CCN5: variants seen among roughly 807,000 people sequenced by gnomAD.
CCN5 encodes cellular communication network factor 5.
Under a neutral mutation model 18.7 loss-of-function variants are expected in CCN5, and 17 were observed. The ratio of observed to expected loss-of-function variants is 0.91; its 90% confidence interval spans 0.62 to 1.36. The LOEUF (loss-of-function observed/expected upper bound fraction) is 1.36, where lower values mean the gene tolerates loss of function less well. CCN5 is among the 40% of genes most tolerant of loss of function. The probability of loss-of-function intolerance (pLI) is 0.00; values close to 1 mark genes in which losing one functional copy is unlikely to be tolerated. For missense variants in CCN5, 367 were observed against 342.9 expected, an observed-to-expected ratio of 1.07 and a Z score of -0.56; for synonymous variants, 135 against 145.2, an observed-to-expected ratio of 0.93 and a Z score of 0.50.
chr20:44,723,147 T>C lies in CCN5; in HGVS notation c.278-1591T>C, dbSNP rs1263547219. Among the ~76,000 whole-genome samples, 3 of 152,194 alleles carry C rather than the reference T, an allele frequency of 2.0e-5. No homozygotes were observed. The East Asian group carries it at 5.9e-4, about 30-fold the overall frequency. Reference sequence around the variant, plus strand: ...CTCTGCTCCAGCCACATTGGCCCCTTGCTGTTCCTTAAATACCCCAGGCAC... The same window carrying C: ...CTCTGCTCCAGCCACATTGGCCCCTCGCTGTTCCTTAAATACCCCAGGCAC... On this transcript the variant is annotated intron_variant, in intron 2 of 3. Coordinates refer to ENST00000190983, the MANE Select transcript of CCN5 (RefSeq NM_003881.4).
At chr20:44,722,341 T>C (rs1490499420) in intron 2 of CCN5, among the ~76,000 whole-genome samples, 5 of 152,198 alleles carry the variant, frequency 3.3e-5, no homozygotes, top group African/African-American at 4.8e-5. Context: ...GCGCATCCAA[T>C]GCCGGGATCC....
At chr20:44,718,151 C>T (rs2065873189) in intron 1 of CCN5, among the ~76,000 whole-genome samples, 1 of 152,172 alleles carries the variant, frequency 6.6e-6, no homozygotes, top group African/African-American at 2.4e-5. Flanking sequence ...CTACTCAGTG[C>T]TGTCTCAGTG....
At position 44,727,118 on chromosome 20, in the gene CCN5, G is replaced by A; in HGVS notation, c.564G>A (p.Leu188=). The A allele has an allele frequency of 6.2e-7, 1 of 1,604,352 alleles. No individual in the cohort carries two copies. The highest frequency in any genetic ancestry group is 1.1e-5 in the South Asian group (1 of 89,850). Residue 188 remains leucine, a synonymous_variant, in exon 4 of 4, where the codon CTG becomes CTA. Transcript: ENST00000190983. Reference sequence around the variant, plus strand: ...AGTTTTCTGGCCTTGTCTCTTCCCTGCCCCCTGGTGTCCCCTGCCCAGAAT... The same window carrying A: ...AGTTTTCTGGCCTTGTCTCTTCCCTACCCCCTGGTGTCCCCTGCCCAGAAT... The part of the protein sequence containing the change: ...GPQFSGLVSS[L]PPGVPCPEWS...
chr20:44,720,004 T>C lies in CCN5; in HGVS notation c.168T>C (p.Cys56=). 6.2e-7 allele frequency: 1 copy of C among 1,611,202 alleles called. No individual in the cohort carries two copies. The highest frequency in any genetic ancestry group is 8.5e-7 in the Non-Finnish European group (1 of 1,179,612). The change falls in exon 2 of 4, where the codon TGT becomes TGC. Residue 56 remains cysteine, a synonymous_variant. Transcript: ENST00000190983. ...VLDGCGCCRV[C]ARRLGEPCDQ... ...ATGGCTGTGGCTGCTGCCGGGTATG[T>C]GCACGGCGGCTGGGGGAGCCCTGCG... is the stretch of plus-strand genomic sequence containing the variant.
At chr20:44,726,434 T>G (rs2145422383) in intron 3 of CCN5, among the ~76,000 whole-genome samples, 1 of 151,836 alleles carries the variant, frequency 6.6e-6, no homozygotes, top group South Asian at 2.1e-4. Flanking sequence ...TTGGGGCAAG[T>G]AATTATTTGT....
At chr20:44,722,634 T>G (rs2065908086) in intron 2 of CCN5, among the ~76,000 whole-genome samples, 1 of 151,936 alleles carries the variant, frequency 6.6e-6, no homozygotes, top group Admixed American at 6.6e-5. Context: ...GCCTCGCTAA[T>G]TTTTGTATTT....
chr20:44,725,419 C>G (rs1029174752), intron 3 of CCN5, among the ~76,000 whole-genome samples: 1 of 150,994 alleles, frequency 6.6e-6, no homozygotes, highest in Non-Finnish European at 1.5e-5. Flanking sequence ...GCCTGGCCGA[C>G]AAGCACGAAA....
intron 3 of CCN5, among the ~76,000 whole-genome samples, chr20:44,725,480 C>T (rs960813101): frequency 1.6e-4 from 24 of 151,956 alleles, no homozygotes; most frequent in African/African-American, 5.6e-4. Context: ...GTCACCAGGC[C>T]TCCCTCTTTA....
rs747241254 is a variant in CCN5, at chr20:44,727,336, C to G, written c.*29C>G. The G allele has an allele frequency of 6.3e-7, 1 of 1,581,884 alleles. No homozygotes were observed. The highest frequency in any genetic ancestry group is 2.3e-5 in the East Asian group (1 of 43,696). ...CGGGCTGGGAATGGGGACACGGTGT[C>G]CACCATCCCCAGCTGGTGGCCCTGT... On this transcript the variant is annotated 3_prime_UTR_variant, in exon 4 of 4. Transcript: ENST00000190983.
At chr20:44,718,891 T>G (rs2065878341) in intron 1 of CCN5, among the ~76,000 whole-genome samples, 1 of 152,198 alleles carries the variant, frequency 6.6e-6, no homozygotes, top group African/African-American at 2.4e-5. Flanking sequence ...TCCAGGTCCC[T>G]GACTCTGGGA....
In CCN5 at chr20:44,720,041, G is replaced by A. The variant is rs369068012; in HGVS notation, c.205G>A (p.Val69Ile). ...GGGGGAGCCCTGCGACCAACTCCAC[G>A]TCTGCGACGCCAGCCAGGGCCTGGT... ...RLGEPCDQLH[V>I]CDASQGLVCQ... Residue 69 changes from valine (V) to isoleucine (I), a missense_variant, in exon 2 of 4, where the codon GTC (valine) becomes ATC (isoleucine). Transcript: ENST00000190983. 38 of 1,598,108 alleles carry A rather than the reference G, an allele frequency of 2.4e-5. No individual in the cohort carries two copies. The highest frequency in any genetic ancestry group is 3.2e-5 in the Non-Finnish European group (38 of 1,176,458).
intron 2 of CCN5, among the ~76,000 whole-genome samples, chr20:44,722,465 CT>C (rs11341536): frequency 0.43 from 46,068 of 106,430 alleles, 9,284 homozygotes; most frequent in Middle Eastern, 0.65. Flanking sequence ...ATCTCTCTCT[CT>C]TTTTTTTTTT....
At chr20:44,726,779 G>A (rs1022897138) in intron 3 of CCN5, among the ~76,000 whole-genome samples, 1 of 152,144 alleles carries the variant, frequency 6.6e-6, no homozygotes, top group African/African-American at 2.4e-5. Flanking sequence ...CCCCCTGCCT[G>A]TAAAATGCTG....
chr20:44,724,693 G>C, intron 2 of CCN5, 45 bp from the exon 3 acceptor site: 1 of 1,609,118 alleles, frequency 6.2e-7, no homozygotes, highest in Middle Eastern at 1.7e-4. Context: ...AGAAGGCTGT[G>C]CCGCTTTGCG....
rs35266386 is a variant in CCN5 at position 44,719,956 on chromosome 20, G to T, written c.120G>T (p.Pro40=). 6.2e-7 allele frequency: 1 copy of T among 1,613,582 alleles called. No homozygotes were observed. The highest frequency in any genetic ancestry group is 8.5e-7 in the Non-Finnish European group (1 of 1,179,880). The change falls in exon 2 of 4, where the codon CCG becomes CCT. Residue 40 remains proline, a synonymous_variant. Coordinates refer to ENST00000190983, the MANE Select transcript of CCN5 (RefSeq NM_003881.4). ...CTCPWPPPRC[P]LGVPLVLDGC... is the part of the protein sequence containing the mutation. ...GCCCCTGGCCACCTCCCCGATGCCC[G>T]CTGGGAGTACCCCTGGTGCTGGATG... is the stretch of plus-strand genomic sequence containing the variant.
intron 2 of CCN5, among the ~76,000 whole-genome samples, chr20:44,722,989 T>G (rs2065910586): frequency 6.6e-6 from 1 of 152,096 alleles, no homozygotes; most frequent in Admixed American, 6.5e-5. Flanking sequence ...ATAAGCCAGA[T>G]CACCTCCCTC....
intron 2 of CCN5, 155 bp downstream of exon 2, chr20:44,720,268 C>T (rs921193576): frequency 9.4e-6 from 7 of 747,234 alleles, no homozygotes; most frequent in African/African-American, 8.9e-5. Flanking sequence ...TCCCAAAGCC[C>T]ACTCCCCACT....
At chr20:44,717,176 G>A (rs985444852) in intron 1 of CCN5, among the ~76,000 whole-genome samples, 13 of 152,150 alleles carry the variant, frequency 8.5e-5, no homozygotes, top group Non-Finnish European at 1.5e-4. Flanking sequence ...GTTACTACAC[G>A]GTTTGAGCTC....
chr20:44,719,837 G>T, intron 1 of CCN5, 60 bp from the exon 2 acceptor site: 1 of 1,540,862 alleles, frequency 6.5e-7, no homozygotes, highest in South Asian at 1.2e-5. Context: ...GTGGCTGGTT[G>T]TGAGGGTCTC....
Sources: gnomAD v4.1 joint callset for allele counts (sites outside exome capture counted in the v4.1 genomes callset) on GRCh38, gnomAD v4.1.1 for gene constraint, MANE v1.5 for transcripts, NCBI Gene and HGNC (gene_info 2026-07-23, HGNC 2026-07-21) for gene names.